ANKRD36: variants seen among roughly 807,000 people sequenced by gnomAD.
ANKRD36 encodes the protein ankyrin repeat domain 36.
In ANKRD36, 179 loss-of-function variants were observed where a neutral mutation model predicts 278.1. The ratio of observed to expected loss-of-function variants is 0.64; its 90% CI spans 0.57 to 0.73. The LOEUF (loss-of-function observed/expected upper bound fraction) is 0.73, where lower values mean the gene tolerates loss of function less well. Among genes scored for constraint, ANKRD36 ranks in the 30% least tolerant of loss-of-function variants. The probability of loss-of-function intolerance (pLI) is 0.00; values close to 1 mark genes in which losing one functional copy is unlikely to be tolerated. For missense variants in ANKRD36, 1,159 were observed against 1,956.7 expected (o/e 0.59, Z 7.69); for synonymous variants, 320 against 641.1 (o/e 0.50, Z 7.57).
intron 1 of ANKRD36, 28 bp from the exon 2 acceptor site, chr2:97,118,036 G>A (rs761093215): frequency 1.2e-5 from 18 of 1,543,818 alleles, no homozygotes; most frequent in Admixed American, 2.0e-5. Flanking sequence ...ACAGTTACAT[G>A]TTTTAAAAAG....
Position 97,219,439 on chromosome 2 carries a change from T to C in ANKRD36, c.3877+193T>C, listed in dbSNP as rs539920304. On this transcript the variant is annotated intron_variant, in intron 66 of 75. Transcript: ENST00000420699. Reference sequence around the variant, plus strand: ...TACATGCATAAAGAAAATATATTTTTAAAACATAAGGTTTTTTTGTTTTGT... The same window carrying C: ...TACATGCATAAAGAAAATATATTTTCAAAACATAAGGTTTTTTTGTTTTGT... 3.3e-5 allele frequency among the ~76,000 whole-genome samples: 5 copies of C among 152,270 alleles called. No homozygotes were observed. In the South Asian group the frequency reaches 1.0e-3, roughly 32 times the overall value.
At chr2:97,229,821 A>T (rs1408386631) in intron 67 of ANKRD36, among the ~76,000 whole-genome samples, 1 of 152,042 alleles carries the variant, frequency 6.6e-6, no homozygotes, top group African/African-American at 2.4e-5. Flanking sequence ...GAGCTCTTTT[A>T]GGGCAAGCCT....
chr2:97,161,179 C>T (rs1439636632), intron 17 of ANKRD36, among the ~76,000 whole-genome samples: 2 of 152,274 alleles, frequency 1.3e-5, no homozygotes, highest in Non-Finnish European at 2.9e-5. Flanking sequence ...CTTCTAAGTC[C>T]CCTTTGTGCC....
chr2:97,146,423 G>A (rs1362800230), intron 10 of ANKRD36, 63 bp from the exon 11 acceptor site: 4 of 1,340,194 alleles, frequency 3.0e-6, no homozygotes, highest in Non-Finnish European at 4.0e-6. Context: ...GCTCTTTTAT[G>A]TTTTTAATAT....
Position 97,211,379 on chromosome 2 carries a change from T to C in ANKRD36, c.3368-167T>C, listed in dbSNP as rs541766487. Among the ~76,000 whole-genome samples, 6 of 152,018 alleles carry C rather than the reference T, an allele frequency of 3.9e-5. No homozygotes were observed. In the South Asian group the frequency reaches 1.3e-3, roughly 32 times the overall value. On this transcript the variant is annotated intron_variant, in intron 56 of 75. Coordinates refer to ENST00000420699, the MANE Select transcript of ANKRD36 (RefSeq NM_001354587.1). Reference sequence around the variant, plus strand: ...TTTCATGGAGCCTGTATTCCCTTTTTTCAGTGTATTTCTGTCATGTTCTGG... The same window carrying C: ...TTTCATGGAGCCTGTATTCCCTTTTCTCAGTGTATTTCTGTCATGTTCTGG...
intron 18 of ANKRD36, chr2:97,163,536 GA>G: frequency 3.7e-6 from 1 of 268,098 alleles, no homozygotes; most frequent in Non-Finnish European, 7.3e-6. Flanking sequence ...CTAAAGTAAT[GA>G]TTGAGAGCAT....
chr2:97,190,943 A>G (rs770454685), intron 34 of ANKRD36, 35 bp from the exon 35 acceptor site: 2 of 1,599,792 alleles, frequency 1.3e-6, no homozygotes, highest in East Asian at 2.3e-5. Flanking sequence ...TCATGTTTAT[A>G]TATGAGTGAT....
intron 15 of ANKRD36, among the ~76,000 whole-genome samples, chr2:97,155,003 G>T (rs2443875): frequency 7.0e-6 from 1 of 142,198 alleles, no homozygotes; most frequent in Non-Finnish European, 1.6e-5. Context: ...ATAGTGACAG[G>T]AAAATATGGT....
At chr2:97,123,957 T>TTATA (rs58038395) in intron 4 of ANKRD36, among the ~76,000 whole-genome samples, 13,737 of 141,530 alleles carry the variant, frequency 0.097, 759 homozygotes, top group East Asian at 0.27. Context: ...TCCTCCATAT[T>TTATA]TATATATATA....
chr2:97,260,602 ACTGC>A (rs1426576921), intron 75 of ANKRD36, among the ~76,000 whole-genome samples: 2 of 111,124 alleles, frequency 1.8e-5, no homozygotes, highest in Non-Finnish European at 3.4e-5. Context: ...GTAAATGAGT[ACTGC>A]CTTTAATGTT....
chr2:97,151,194 T>C (rs201780953), intron 12 of ANKRD36, among the ~76,000 whole-genome samples: 1,842 of 118,312 alleles, frequency 0.016, no homozygotes, highest in East Asian at 0.052. Context: ...ACCACATGTC[T>C]TTAGTGTCTA....
chr2:97,172,916 A>G (rs1446592718), intron 22 of ANKRD36, among the ~76,000 whole-genome samples: 4 of 152,042 alleles, frequency 2.6e-5, no homozygotes, highest in East Asian at 1.9e-4. Flanking sequence ...TTCATTACAA[A>G]TGAAAATGTT....
chr2:97,128,155 C>T lies in ANKRD36; in HGVS notation c.799+1021C>T, dbSNP rs368317668. Among the ~76,000 whole-genome samples the T allele has an allele frequency of 1.1e-4, 16 of 150,834 alleles. No individual in the cohort carries two copies. In the East Asian group the frequency reaches 2.0e-3, roughly 18 times the overall value. Reference sequence around the variant, plus strand: ...TGGTCAACAGGGAAGAATAACTTCCCTTTCCTACAAATCTGAGGTTGGAGA... The same window carrying T: ...TGGTCAACAGGGAAGAATAACTTCCTTTTCCTACAAATCTGAGGTTGGAGA... On this transcript the variant is annotated intron_variant, in intron 6 of 75. Coordinates refer to ENST00000420699, the MANE Select transcript of ANKRD36 (RefSeq NM_001354587.1).
chr2:97,203,773 A>G (rs1482745522), intron 48 of ANKRD36, among the ~76,000 whole-genome samples: 18 of 151,830 alleles, frequency 1.2e-4, no homozygotes, highest in African/African-American at 4.4e-4. Flanking sequence ...ATTTTAGATC[A>G]CTTTGTCCTC....
intron 6 of ANKRD36, among the ~76,000 whole-genome samples, chr2:97,139,126 G>C (rs757111028): frequency 6.6e-6 from 1 of 151,722 alleles, no homozygotes; most frequent in Non-Finnish European, 1.5e-5. Flanking sequence ...ATTTGGGAGT[G>C]TGTGTGGGGT....
chr2:97,200,783 G>A (rs1358085870), intron 46 of ANKRD36, among the ~76,000 whole-genome samples: 1 of 151,878 alleles, frequency 6.6e-6, no homozygotes, highest in Non-Finnish European at 1.5e-5. Context: ...GGGGCTCTGG[G>A]GCCCAGCATA....
At chr2:97,204,949 G>A (rs967267706) in intron 50 of ANKRD36, among the ~76,000 whole-genome samples, 48 of 151,550 alleles carry the variant, frequency 3.2e-4, no homozygotes, top group Admixed American at 3.0e-3. Context: ...AGAGATACAC[G>A]TGTTGTTGAT....
rs1317403798 is a variant in ANKRD36, at chr2:97,113,920, A to G, written c.181A>G (p.Arg61Gly). The change falls in exon 1 of 76, where the codon AGA becomes GGA. Residue 61 changes from arginine (R) to glycine (G), a missense_variant. Transcript: ENST00000420699. Reference protein sequence around the residue: ...LLLTYYDANKRDRKERTALHL... With the variant: ...LLLTYYDANKGDRKERTALHL... ...GCTCACGTATTATGACGCCAATAAG[A>G]GAGACAGGAAGGAAAGGTAATGGGG... 2.5e-6 allele frequency: 4 copies of G among 1,612,424 alleles called. No individual in the cohort carries two copies. The highest frequency in any genetic ancestry group is 3.4e-6 in the Non-Finnish European group (4 of 1,179,776).
At chr2:97,166,066 C>T (rs1282644519) in intron 20 of ANKRD36, among the ~76,000 whole-genome samples, 1 of 148,886 alleles carries the variant, frequency 6.7e-6, no homozygotes, top group African/African-American at 2.5e-5. Context: ...TTATCTGGAA[C>T]ACATAACACA....
Sources: allele counts gnomAD v4.1 joint callset (sites outside exome capture counted in the v4.1 genomes callset), GRCh38; gene constraint gnomAD v4.1.1; transcripts MANE v1.5; gene names NCBI Gene and HGNC (gene_info 2026-07-23, HGNC 2026-07-21).